IQCM: variants seen among roughly 807,000 people sequenced by gnomAD.
IQCM encodes the protein IQ motif containing M.
Under a neutral mutation model 57.6 loss-of-function variants are expected in IQCM, and 45 were observed. That is an observed-to-expected ratio of 0.78 (90% CI 0.62 to 1.00). IQCM has a LOEUF of 1.00. Ranked by LOEUF, IQCM falls within the 50% of genes least tolerant of loss-of-function variation. IQCM has a pLI of 0.00. For synonymous variants in IQCM, 148 were observed against 158.9 expected (o/e 0.93, Z 0.51); for missense variants, 468 against 511.6 (o/e 0.91, Z 0.82).
chr4:149,512,124 G>T (rs544811883), intron 12 of IQCM, among the ~76,000 whole-genome samples: 1 of 152,308 alleles, frequency 6.6e-6, no homozygotes, highest in South Asian at 2.1e-4. Flanking sequence ...GCCACCTTGT[G>T]GCTGTCAACA....
chr4:149,563,926 T>A, intron 9 of IQCM, 36 bp from the exon 10 acceptor site: 5 of 1,028,656 alleles, frequency 4.9e-6, no homozygotes, highest in South Asian at 5.0e-5. Flanking sequence ...ATACATAATA[T>A]GAAAAATTAA....
At chr4:149,809,734 T>C (rs1227474711) in intron 2 of IQCM, among the ~76,000 whole-genome samples, 1 of 152,176 alleles carries the variant, frequency 6.6e-6, no homozygotes, top group Non-Finnish European at 1.5e-5. Context: ...AAATGATGCA[T>C]GAGAGGCATT....
At chr4:149,404,953 C>T (rs1732875701) in intron 13 of IQCM, among the ~76,000 whole-genome samples, 1 of 151,964 alleles carries the variant, frequency 6.6e-6, no homozygotes, top group African/African-American at 2.4e-5. Flanking sequence ...AAAGATCTAA[C>T]AAACTGAAAG....
chr4:149,444,064 T>C (rs993256244), intron 12 of IQCM, among the ~76,000 whole-genome samples: 8 of 151,866 alleles, frequency 5.3e-5, no homozygotes, highest in African/African-American at 1.7e-4. Flanking sequence ...AAATTCCCAG[T>C]GCATAACATA....
intron 2 of IQCM, among the ~76,000 whole-genome samples, chr4:149,750,417 T>C (rs1412986447): frequency 6.6e-6 from 1 of 152,242 alleles, no homozygotes; most frequent in Non-Finnish European, 1.5e-5. Context: ...TATGTCTTAT[T>C]GTAAATTTTA....
chr4:149,792,541 G>A (rs1013032035), intron 2 of IQCM, among the ~76,000 whole-genome samples: 3 of 152,052 alleles, frequency 2.0e-5, no homozygotes, highest in African/African-American at 4.8e-5. Flanking sequence ...AGACAGCCAG[G>A]GGGAAAATGT....
At chr4:149,616,244 T>C (rs146957529) in intron 8 of IQCM, among the ~76,000 whole-genome samples, 36 of 152,252 alleles carry the variant, frequency 2.4e-4, no homozygotes, top group African/African-American at 7.0e-4. Flanking sequence ...AGTATATACA[T>C]ACAATGGAAT....
intron 5 of IQCM, 119 bp downstream of exon 5, chr4:149,733,125 T>C (rs1766616580): frequency 2.2e-6 from 2 of 925,868 alleles, no homozygotes; most frequent in African/African-American, 1.7e-5. Flanking sequence ...CTACCTTTCA[T>C]TGTTAAGATT....
chr4:149,587,527 T>C (rs1273776624), intron 9 of IQCM, among the ~76,000 whole-genome samples: 1 of 151,822 alleles, frequency 6.6e-6, no homozygotes, highest in Non-Finnish European at 1.5e-5. Flanking sequence ...AATAGAGTCA[T>C]TGAAATGCAT....
At chr4:149,451,693 G>A (rs778500574) in intron 12 of IQCM, among the ~76,000 whole-genome samples, 3 of 151,674 alleles carry the variant, frequency 2.0e-5, no homozygotes, top group Non-Finnish European at 4.4e-5. Context: ...AAATCTAATA[G>A]CTTTTTTCTC....
At chr4:149,657,171 C>A (rs895056150) in intron 7 of IQCM, among the ~76,000 whole-genome samples, 2 of 152,138 alleles carry the variant, frequency 1.3e-5, no homozygotes, top group African/African-American at 4.8e-5. Flanking sequence ...TCCTCCACCT[C>A]CCGCCTACCC....
chr4:149,710,243 A>T (rs1204373466), intron 5 of IQCM, among the ~76,000 whole-genome samples: 1 of 152,160 alleles, frequency 6.6e-6, no homozygotes, highest in African/African-American at 2.4e-5. Context: ...AGGCAAAAGC[A>T]CTGTGTACAA....
intron 13 of IQCM, among the ~76,000 whole-genome samples, chr4:149,423,239 G>A (rs373101632): frequency 6.6e-6 from 1 of 151,962 alleles, no homozygotes; most frequent in Non-Finnish European, 1.5e-5. Flanking sequence ...GGGGAAGCAG[G>A]CACCTTCTTC....
intron 13 of IQCM, among the ~76,000 whole-genome samples, chr4:149,388,998 C>CTTATTTAT (rs533154379): frequency 3.3e-5 from 5 of 151,030 alleles, no homozygotes; most frequent in African/African-American, 9.7e-5. Flanking sequence ...TGAAGTACAA[C>CTTATTTAT]TTATTTATTT....
chr4:149,796,149 T>C (rs1773093050), intron 2 of IQCM, among the ~76,000 whole-genome samples: 1 of 152,190 alleles, frequency 6.6e-6, no homozygotes, highest in Non-Finnish European at 1.5e-5. Context: ...GAAGCATTTC[T>C]GGACCTGCCC....
At chr4:149,605,900 C>G (rs1490752483) in intron 8 of IQCM, among the ~76,000 whole-genome samples, 1 of 152,110 alleles carries the variant, frequency 6.6e-6, no homozygotes, top group Non-Finnish European at 1.5e-5. Context: ...AATACCAGCT[C>G]AGCCACAGTA....
At chr4:149,530,804 C>CG (rs1746663233) in intron 12 of IQCM, among the ~76,000 whole-genome samples, 1 of 92 alleles carries the variant, frequency 0.011, no homozygotes, top group East Asian at 0.17. Flanking sequence ...CACCCCCCCA[C>CG]CCCCCCCCCA....
chr4:149,743,202 C>A (rs1767622026), intron 2 of IQCM, among the ~76,000 whole-genome samples: 1 of 152,182 alleles, frequency 6.6e-6, no homozygotes. Context: ...ATACCTTATA[C>A]ACTCCTGCCT....
At chr4:149,509,318 C>T (rs879832204) in intron 12 of IQCM, among the ~76,000 whole-genome samples, 5 of 151,762 alleles carry the variant, frequency 3.3e-5, no homozygotes, top group Admixed American at 3.3e-4. Flanking sequence ...TGCTCTGTTG[C>T]CCAGGCTGGG....
Sources: allele counts gnomAD v4.1 joint callset (sites outside exome capture counted in the v4.1 genomes callset), GRCh38; gene constraint gnomAD v4.1.1; transcripts MANE v1.5; gene names NCBI Gene and HGNC (gene_info 2026-07-23, HGNC 2026-07-21).